The following SPTLC3 variants were observed in gnomAD, a reference collection of about 807,000 sequenced individuals.
The protein encoded by SPTLC3 is serine palmitoyltransferase long chain base subunit 3.
Under a neutral mutation model 59.3 loss-of-function variants are expected in SPTLC3, and 36 were observed. That is an observed-to-expected ratio of 0.61 (90% CI 0.47 to 0.80). The LOEUF (loss-of-function observed/expected upper bound fraction) is 0.80. SPTLC3 is among the 30% of genes least tolerant of loss of function. SPTLC3 has a pLI of 0.00. For synonymous variants in SPTLC3, 257 were observed against 240.8 expected (o/e 1.07, Z -0.62); for missense variants, 625 against 685.1 (o/e 0.91, Z 0.98).
At chr20:13,055,716 A>G (rs1987694448) in intron 2 of SPTLC3, among the ~76,000 whole-genome samples, 1 of 152,088 alleles carries the variant, frequency 6.6e-6, no homozygotes, top group Non-Finnish European at 1.5e-5. Context: ...TAGAAAGCCT[A>G]CTCTGGGATG....
chr20:13,027,745 A>G (rs1391496118), intron 1 of SPTLC3, among the ~76,000 whole-genome samples: 1 of 152,146 alleles, frequency 6.6e-6, no homozygotes, highest in Non-Finnish European at 1.5e-5. Flanking sequence ...GTCTTACTAA[A>G]ATTTTAAAAA....
chr20:13,066,713 T>C (rs1291556231), intron 2 of SPTLC3, among the ~76,000 whole-genome samples: 1 of 152,048 alleles, frequency 6.6e-6, no homozygotes, highest in African/African-American at 2.4e-5. Flanking sequence ...ATTCAAATCT[T>C]TCCTCATCTC....
chr20:13,071,184 G>A (rs73898406), intron 2 of SPTLC3, among the ~76,000 whole-genome samples: 18,927 of 152,162 alleles, frequency 0.12, 1,387 homozygotes, highest in African/African-American at 0.2. Flanking sequence ...AGAAAACCTT[G>A]CCATGAACTA....
intron 2 of SPTLC3, 84 bp downstream of exon 2, chr20:13,049,214 C>T (rs919604): frequency 1 from 1,461,258 of 1,462,578 alleles, 729,977 homozygotes; most frequent in East Asian, 1. Context: ...AGGTGCAGAT[C>T]CTAGAAAGCA....
intron 9 of SPTLC3, among the ~76,000 whole-genome samples, chr20:13,134,290 T>C (rs1055161175): frequency 6.6e-6 from 1 of 152,244 alleles, no homozygotes; most frequent in African/African-American, 2.4e-5. Flanking sequence ...TATCTCCGAA[T>C]ACTTAACATC....
chr20:13,030,332 C>T (rs1482925293), intron 1 of SPTLC3, among the ~76,000 whole-genome samples: 5 of 152,202 alleles, frequency 3.3e-5, no homozygotes, highest in African/African-American at 1.2e-4. Context: ...CTGGACTCAT[C>T]AAATTTTCTT....
intron 6 of SPTLC3, among the ~76,000 whole-genome samples, chr20:13,097,485 GA>G (rs915173525): frequency 4.0e-5 from 6 of 150,774 alleles, no homozygotes; most frequent in South Asian, 2.1e-4. Context: ...AGCACTGGAT[GA>G]AAAAAAAATA....
At chr20:13,086,253 G>A (rs73898424) in intron 4 of SPTLC3, among the ~76,000 whole-genome samples, 2,761 of 152,258 alleles carry the variant, frequency 0.018, 94 homozygotes, top group African/African-American at 0.064. Context: ...TTTGTAGAAA[G>A]CAAAGCTTCT....
chr20:13,164,697 C>A (rs1483331811), intron 11 of SPTLC3, 57 bp from the exon 12 acceptor site: 6 of 1,363,498 alleles, frequency 4.4e-6, no homozygotes, highest in Admixed American at 1.8e-5. Context: ...CTGGGCTCTG[C>A]AAAGCAGGGC....
intron 9 of SPTLC3, among the ~76,000 whole-genome samples, chr20:13,141,609 G>A (rs1227821574): frequency 2.6e-5 from 4 of 152,134 alleles, no homozygotes; most frequent in Admixed American, 1.3e-4. Flanking sequence ...TGAGGGCCCC[G>A]GCATTCAAGG....
intron 7 of SPTLC3, among the ~76,000 whole-genome samples, chr20:13,114,119 T>C (rs1054518661): frequency 1.3e-5 from 2 of 152,228 alleles, no homozygotes; most frequent in East Asian, 1.9e-4. Flanking sequence ...CCACATCCAA[T>C]GAAGTAAACA....
At chr20:13,130,023 G>A (rs960581502) in intron 9 of SPTLC3, among the ~76,000 whole-genome samples, 1 of 152,116 alleles carries the variant, frequency 6.6e-6, no homozygotes, top group Non-Finnish European at 1.5e-5. Flanking sequence ...ATATAGGACA[G>A]TTTATTTTCA....
chr20:13,126,445 A>T (rs1179858655), intron 8 of SPTLC3, 146 bp from the exon 9 acceptor site: 2 of 905,654 alleles, frequency 2.2e-6, no homozygotes, highest in Non-Finnish European at 3.2e-6. Context: ...TTTGATGAAA[A>T]CCATTGAAAG....
At chr20:13,131,843 T>A (rs2038127101) in intron 9 of SPTLC3, among the ~76,000 whole-genome samples, 1 of 152,182 alleles carries the variant, frequency 6.6e-6, no homozygotes, top group South Asian at 2.1e-4. Flanking sequence ...GAGAACTTTC[T>A]GTCGTCTTTT....
At chr20:13,038,060 A>ATATATATATATATAT (rs1390602376) in intron 1 of SPTLC3, among the ~76,000 whole-genome samples, 13 of 148,686 alleles carry the variant, frequency 8.7e-5, no homozygotes, top group Non-Finnish European at 1.5e-4. Context: ...ATATATATAT[A>ATATATATATATATAT]ATATATCTTC....
At chr20:13,026,078 A>G (rs568869883) in intron 1 of SPTLC3, among the ~76,000 whole-genome samples, 3 of 152,212 alleles carry the variant, frequency 2.0e-5, no homozygotes, top group Admixed American at 1.3e-4. Flanking sequence ...TTATGGCTTC[A>G]TAGTGTTCCA....
intron 6 of SPTLC3, among the ~76,000 whole-genome samples, chr20:13,103,666 G>A (rs778506074): frequency 1.3e-5 from 2 of 152,208 alleles, no homozygotes; most frequent in African/African-American, 4.8e-5. Context: ...AGTGGAGGCT[G>A]AGTTTCAGCC....
chr20:13,103,532 A>G (rs146176558), intron 6 of SPTLC3, among the ~76,000 whole-genome samples: 1 of 152,310 alleles, frequency 6.6e-6, no homozygotes, highest in African/African-American at 2.4e-5. Flanking sequence ...ACACAAAAAT[A>G]TTTTTGCTGA....
At chr20:13,110,781 G>T (rs887105715) in intron 7 of SPTLC3, among the ~76,000 whole-genome samples, 1 of 152,102 alleles carries the variant, frequency 6.6e-6, no homozygotes, top group Non-Finnish European at 1.5e-5. Flanking sequence ...AAGCCAAGGA[G>T]ACATTATTTC....
Sources: allele counts gnomAD v4.1 joint callset (sites outside exome capture counted in the v4.1 genomes callset), GRCh38; gene constraint gnomAD v4.1.1; transcripts MANE v1.5; gene names NCBI Gene and HGNC (gene_info 2026-07-23, HGNC 2026-07-21).